The following SNX24 variants were observed in gnomAD, a reference collection of about 807,000 sequenced individuals.
SNX24 encodes the protein sorting nexin-24.
In SNX24, 22 loss-of-function variants were observed where a neutral mutation model predicts 28.7. That is an observed-to-expected ratio of 0.77 (90% CI 0.55 to 1.10). The LOEUF is 1.10. SNX24 is among the 50% of genes least tolerant of loss of function. The pLI, the probability that SNX24 is intolerant of heterozygous loss-of-function variation, is 0.00. For synonymous variants in SNX24, 69 were observed against 71.5 expected (o/e 0.96, Z 0.18); for missense variants, 221 against 201.1 (o/e 1.10, Z -0.60).
intron 3 of SNX24, among the ~76,000 whole-genome samples, chr5:122,967,209 T>C (rs551636446): frequency 6.6e-6 from 1 of 152,302 alleles, no homozygotes; most frequent in East Asian, 1.9e-4. Context: ...CTGCAGGTGC[T>C]TTACCCTTAT....
At chr5:122,864,395 G>C (rs1755627158) in intron 1 of SNX24, among the ~76,000 whole-genome samples, 1 of 152,148 alleles carries the variant, frequency 6.6e-6, no homozygotes, top group African/African-American at 2.4e-5. Flanking sequence ...CGCCCAATGG[G>C]TTCACCTTTC....
intron 3 of SNX24, among the ~76,000 whole-genome samples, chr5:122,956,437 C>T (rs963701473): frequency 1.3e-5 from 2 of 151,088 alleles, no homozygotes; most frequent in African/African-American, 4.9e-5. Flanking sequence ...TTTAGCTGTA[C>T]ATCAGTGGGC....
At chr5:122,917,203 G>T (rs1346444329) in intron 1 of SNX24, among the ~76,000 whole-genome samples, 1 of 150,806 alleles carries the variant, frequency 6.6e-6, no homozygotes, top group South Asian at 2.1e-4. Context: ...GTTGCAGTGA[G>T]CCGAGATTGT....
intron 3 of SNX24, among the ~76,000 whole-genome samples, chr5:122,968,304 G>C (rs1343191579): frequency 1.3e-5 from 2 of 152,196 alleles, no homozygotes; most frequent in Non-Finnish European, 2.9e-5. Flanking sequence ...CTGAGATCAT[G>C]CCACTGCACT....
intron 3 of SNX24, among the ~76,000 whole-genome samples, chr5:122,995,291 C>T (rs1284883431): frequency 6.6e-6 from 1 of 152,222 alleles, no homozygotes; most frequent in Non-Finnish European, 1.5e-5. Context: ...GGCCACCCTC[C>T]TTAACAGAAC....
chr5:123,025,359 A>G (rs879367106), intron 5 of SNX24, among the ~76,000 whole-genome samples: 1 of 152,176 alleles, frequency 6.6e-6, no homozygotes, highest in Non-Finnish European at 1.5e-5. Flanking sequence ...GTTTCTATCA[A>G]TGTGACCACT....
chr5:123,020,144 T>A (rs2150186787), intron 5 of SNX24, among the ~76,000 whole-genome samples: 1 of 152,372 alleles, frequency 6.6e-6, no homozygotes, highest in Non-Finnish European at 1.5e-5. Context: ...GGTGTCTATG[T>A]GCTCTTGGAC....
chr5:122,905,285 G>A (rs1757602002), intron 1 of SNX24, among the ~76,000 whole-genome samples: 2 of 152,102 alleles, frequency 1.3e-5, no homozygotes, highest in African/African-American at 4.8e-5. Context: ...TATGTGGGAC[G>A]ATTAGTATCT....
intron 5 of SNX24, among the ~76,000 whole-genome samples, chr5:123,021,080 C>G (rs1762754495): frequency 6.6e-6 from 1 of 150,516 alleles, no homozygotes. Flanking sequence ...ACCACTGTTC[C>G]TATCCTCTCT....
intron 6 of SNX24, 52 bp downstream of exon 6, chr5:123,002,056 C>G (rs762346924): frequency 2.2e-5 from 31 of 1,391,370 alleles, no homozygotes; most frequent in Non-Finnish European, 3.1e-5. Flanking sequence ...GACCCTGCAC[C>G]ACATAAACCA....
At chr5:122,886,191 TAAA>T (rs1756706286) in intron 1 of SNX24, among the ~76,000 whole-genome samples, 1 of 152,236 alleles carries the variant, frequency 6.6e-6, no homozygotes, top group South Asian at 2.1e-4. Flanking sequence ...GGTGGAAGAC[TAAA>T]GACATACAAT....
chr5:123,021,547 G>A (rs1762762953), intron 5 of SNX24, among the ~76,000 whole-genome samples: 1 of 152,206 alleles, frequency 6.6e-6, no homozygotes, highest in Non-Finnish European at 1.5e-5. Flanking sequence ...AGTCCCAGGA[G>A]TGAGAAATTC....
chr5:122,976,856 G>T (rs1482697973), intron 3 of SNX24, among the ~76,000 whole-genome samples: 1 of 152,246 alleles, frequency 6.6e-6, no homozygotes, highest in African/African-American at 2.4e-5. Context: ...ATGATTGCTT[G>T]TGAGAGCATG....
chr5:122,999,139 ACTT>A lies in SNX24; in HGVS notation c.250-769_250-767del, dbSNP rs530137004. ...AAAATACATAGATAAGAAGATACATACTTCTTTGTCAGATTTCTCCTTGACATT... is the reference window on the plus strand; with the variant it reads ...AAAATACATAGATAAGAAGATACATACTTTGTCAGATTTCTCCTTGACATT... On this transcript the variant is annotated intron_variant, in intron 3 of 6. Coordinates refer to ENST00000261369, the MANE Select transcript of SNX24 (RefSeq NM_014035.4). Among the ~76,000 whole-genome samples the A allele has an allele frequency of 3.0e-3, 455 of 152,232 alleles. 4 individuals carry two copies. The highest frequency in any genetic ancestry group is 0.017 in the Middle Eastern group (5 of 294).
chr5:123,012,703 T>C (rs1227481732), downstream of SNX24, among the ~76,000 whole-genome samples: 1 of 152,250 alleles, frequency 6.6e-6, no homozygotes, highest in Non-Finnish European at 1.5e-5. Flanking sequence ...TTTGAGTGAC[T>C]GCAGGCTCAG....
chr5:123,004,227 T>G (rs1033097000), intron 6 of SNX24, among the ~76,000 whole-genome samples: 1 of 152,208 alleles, frequency 6.6e-6, no homozygotes, highest in African/African-American at 2.4e-5. Flanking sequence ...CTTTTAACAT[T>G]AGAAATCAGG....
At chr5:122,909,810 G>T (rs576604202) in intron 1 of SNX24, among the ~76,000 whole-genome samples, 2 of 152,332 alleles carry the variant, frequency 1.3e-5, no homozygotes, top group East Asian at 3.9e-4. Context: ...AGAGTCTGAT[G>T]CAGGGAAGGT....
At chr5:122,984,368 G>T (rs568052572) in intron 3 of SNX24, among the ~76,000 whole-genome samples, 1 of 151,904 alleles carries the variant, frequency 6.6e-6, no homozygotes, top group Admixed American at 6.6e-5. Flanking sequence ...TTACATAAAT[G>T]ACACAGTTAA....
At chr5:122,971,277 C>G (rs1041943887) in intron 3 of SNX24, among the ~76,000 whole-genome samples, 7 of 152,294 alleles carry the variant, frequency 4.6e-5, no homozygotes, top group African/African-American at 1.7e-4. Flanking sequence ...CCTGCTTTAT[C>G]TTGGTTGCGC....
Sources: gnomAD v4.1 joint callset for allele counts (sites outside exome capture counted in the v4.1 genomes callset) on GRCh38, gnomAD v4.1.1 for gene constraint, MANE v1.5 for transcripts, NCBI Gene and HGNC (gene_info 2026-07-23, HGNC 2026-07-21) for gene names.